MYH11: variants seen among roughly 807,000 people sequenced by gnomAD.
The protein encoded by MYH11 is myosin-11.
Under a neutral mutation model 246.6 loss-of-function variants are expected in MYH11, and 80 were observed. The ratio of observed to expected loss-of-function variants is 0.32; its 90% confidence interval spans 0.27 to 0.39. The LOEUF (loss-of-function observed/expected upper bound fraction) is 0.39. Among genes scored for constraint, MYH11 ranks in the 10% least tolerant of loss-of-function variants. The pLI is 1.00. For synonymous variants in MYH11, 1,071 were observed against 1,015.5 expected (o/e 1.05, Z -1.04); for missense variants, 2,158 against 2,546.8 (o/e 0.85, Z 3.29).
chr16:15,738,385 C>T (rs748644273), intron 24 of MYH11, among the ~76,000 whole-genome samples, 180 bp downstream of exon 24: 30 of 151,970 alleles, frequency 2.0e-4, no homozygotes, highest in Non-Finnish European at 3.2e-4. Context: ...TGGTGATGCA[C>T]GCCTGTAGTC....
Position 15,735,622 on chromosome 16 carries a change from G to T in MYH11, c.3294-44C>A, listed in dbSNP as rs527625723. 1.9e-6 allele frequency: 3 copies of T among 1,608,658 alleles called. No homozygotes were observed. In the South Asian group the frequency reaches 3.3e-5, roughly 18 times the overall value. ...GCAGAATGAACCCCCAGGTCCCTTG[G>T]TTTCCTCTCTTACAATGTGGCCAAA... On this transcript the variant is annotated intron_variant, in intron 25 of 40. Transcript: ENST00000300036.
At chr16:15,748,782 A>T (rs1342749526) in intron 16 of MYH11, among the ~76,000 whole-genome samples, 2 of 151,906 alleles carry the variant, frequency 1.3e-5, no homozygotes, top group East Asian at 3.9e-4. Flanking sequence ...TGCCTGGAAA[A>T]TTTTTAAAAA....
intron 9 of MYH11, among the ~76,000 whole-genome samples, chr16:15,767,733 T>C (rs1243555388): frequency 6.6e-6 from 1 of 151,958 alleles, no homozygotes; most frequent in Admixed American, 6.6e-5. Flanking sequence ...TAATGTCAAG[T>C]GTCTTTATGA....
At chr16:15,717,444 G>A (rs1334334098) in intron 37 of MYH11, 96 bp from the exon 38 acceptor site, 14 of 1,293,368 alleles carry the variant, frequency 1.1e-5, no homozygotes, top group Middle Eastern at 2.5e-4. Flanking sequence ...GCCTCTGCAC[G>A]AGTCCCTTGA....
chr16:15,721,384 C>T lies in MYH11; in HGVS notation c.4578+38G>A, dbSNP rs375247516. 75 of 1,606,710 alleles carry T rather than the reference C, an allele frequency of 4.7e-5. No homozygotes were observed. The African/African-American group carries it at 6.5e-4, about 14-fold the overall frequency. On this transcript the variant is annotated intron_variant, in intron 32 of 40. Transcript: ENST00000300036. ...GTGAATAGCACAGAGGGTGGGCAGG[C>T]GAAACATGGACGAGAAAAACCACCC...
rs72772016 is a variant in MYH11 at position 15,714,727 on chromosome 16, C to G, written c.5786+182G>C. On this transcript the variant is annotated intron_variant, in intron 40 of 40. Coordinates refer to ENST00000300036, the MANE Select transcript of MYH11 (RefSeq NM_002474.3). The stretch of plus-strand genomic sequence containing the variant: ...AGCTGCTACCAGGCAAGGCAGGGCC[C>G]GGGTCTGATCTCAGTGCCTGGCCCA... The G allele has an allele frequency of 0.017, 12,953 of 764,946 alleles. 150 individuals carry two copies. Among genetic ancestry groups the G allele is most frequent in the Non-Finnish European group, 0.023 (10,560 of 460,942 alleles). 47.4% of individuals were successfully genotyped at this position (764,946 alleles called of 1,614,324 possible).
chr16:15,836,589 G>A (rs1475802072), intron 2 of MYH11, among the ~76,000 whole-genome samples: 2 of 151,042 alleles, frequency 1.3e-5, no homozygotes, highest in African/African-American at 2.4e-5. Context: ...TAGTAGAGAC[G>A]GGGTTTTACC....
intron 3 of MYH11, among the ~76,000 whole-genome samples, chr16:15,815,358 C>A (rs915090093): frequency 6.6e-6 from 1 of 151,968 alleles, no homozygotes; most frequent in African/African-American, 2.4e-5. Context: ...AAAAGAATGT[C>A]ATATGAAAGA....
chr16:15,706,965 T>C (rs1596669627), intron 40 of MYH11, among the ~76,000 whole-genome samples: 1 of 152,176 alleles, frequency 6.6e-6, no homozygotes, highest in African/African-American at 2.4e-5. Flanking sequence ...TAGACCAAGG[T>C]TGACACCAAC....
At chr16:15,741,290 G>A (rs1441055644) in intron 22 of MYH11, 173 bp downstream of exon 22, 13 of 753,184 alleles carry the variant, frequency 1.7e-5, no homozygotes, top group Non-Finnish European at 2.8e-5. Context: ...GGCTCACTGT[G>A]TTCCAGTCCC....
chr16:15,734,840 C>G (rs1596752194), intron 26 of MYH11, among the ~76,000 whole-genome samples: 1 of 152,036 alleles, frequency 6.6e-6, no homozygotes. Context: ...CAAGGGAAGC[C>G]AAAAGATTGT....
In MYH11 at chr16:15,724,972, T is replaced by C. The variant is rs761364286; in HGVS notation, c.3879A>G (p.Thr1293=). The C allele has an allele frequency of 2.7e-5, 44 of 1,613,900 alleles. No individual in the cohort carries two copies. Among genetic ancestry groups the C allele is most frequent in the Non-Finnish European group, 2.4e-5 (28 of 1,180,012 alleles). ...HKLQNEVESV[T]GMLNEAEGKA... ...TCCCCTCGGCCTCGTTAAGCATCCC[T>C]GTGACGCTCTCAACTTCATTCTAAG... Residue 1293 remains threonine (T), a synonymous_variant, in exon 29 of 41, where the codon ACA becomes ACG. Coordinates refer to ENST00000300036, the MANE Select transcript of MYH11 (RefSeq NM_002474.3).
intron 1 of MYH11, among the ~76,000 whole-genome samples, chr16:15,847,902 A>T (rs1037956194): frequency 5.9e-5 from 9 of 152,278 alleles, no homozygotes; most frequent in Admixed American, 5.9e-4. Flanking sequence ...ATTCCCTGAA[A>T]TATCTGGGCT....
chr16:15,736,913 G>A (rs530017716), intron 25 of MYH11, among the ~76,000 whole-genome samples: 4 of 152,234 alleles, frequency 2.6e-5, no homozygotes, highest in African/African-American at 9.6e-5. Flanking sequence ...TGTAAATCCA[G>A]CTAAGAGCCA....
rs139373715 is a variant in MYH11, at chr16:15,719,983, G to A, written c.4953+168C>T. Among the ~76,000 whole-genome samples the A allele has an allele frequency of 2.0e-5, 3 of 152,226 alleles. No individual in the cohort carries two copies. In the East Asian group the frequency reaches 5.8e-4, roughly 30 times the overall value. Reference sequence around the variant, plus strand: ...TACCTAATAATGCTGCCCTACCCAGGGCAGGAGACAGCCACCAAATCCTGA... The same window carrying A: ...TACCTAATAATGCTGCCCTACCCAGAGCAGGAGACAGCCACCAAATCCTGA... On this transcript the variant is annotated intron_variant, in intron 34 of 40. Transcript: ENST00000300036.
intron 3 of MYH11, among the ~76,000 whole-genome samples, chr16:15,818,361 A>G (rs989741260): frequency 6.6e-6 from 1 of 152,204 alleles, no homozygotes; most frequent in African/African-American, 2.4e-5. Flanking sequence ...TGGAGAAAAA[A>G]TTAAGCAGGT....
chr16:15,733,762 C>T (rs550809146), intron 26 of MYH11, among the ~76,000 whole-genome samples: 42 of 152,118 alleles, frequency 2.8e-4, no homozygotes, highest in African/African-American at 8.7e-4. Flanking sequence ...AGGCTGGTCT[C>T]GAACTCCTGA....
intron 5 of MYH11, chr16:15,785,489 T>C (rs1449010277): frequency 6.6e-6 from 1 of 151,818 alleles, no homozygotes; most frequent in Non-Finnish European, 1.5e-5. Context: ...CTGCATTTGT[T>C]TGGAGAAGGA....
rs1355157546 is a variant in MYH11, at chr16:15,760,618, T to C, written c.1170A>G (p.Thr390=). 3 of 1,614,188 alleles carry C rather than the reference T, an allele frequency of 1.9e-6. No individual in the cohort carries two copies. Among genetic ancestry groups the C allele is most frequent in the Non-Finnish European group, 2.5e-6 (3 of 1,180,022 alleles). ...GAGTGAGGATGGATCTGGTGAAATC[T>C]GTCACATTAATTCCCATGAGGTGGC... ...KVCHLMGINV[T]DFTRSILTPR... The change falls in exon 11 of 41, where the codon ACA becomes ACG. Residue 390 remains threonine (T), a synonymous_variant. Coordinates refer to ENST00000300036, the MANE Select transcript of MYH11 (RefSeq NM_002474.3).
Sources: allele counts gnomAD v4.1 joint callset (sites outside exome capture counted in the v4.1 genomes callset), GRCh38; gene constraint gnomAD v4.1.1; transcripts MANE v1.5; gene names NCBI Gene and HGNC (gene_info 2026-07-23, HGNC 2026-07-21).